The following GLG1 variants were observed in gnomAD, a reference collection of about 807,000 sequenced individuals.
GLG1 encodes the protein Golgi apparatus protein 1.
Under a neutral mutation model 160.5 loss-of-function variants are expected in GLG1, and 38 were observed. The ratio of observed to expected loss-of-function variants is 0.24; its 90% CI spans 0.18 to 0.31. The LOEUF (loss-of-function observed/expected upper bound fraction) is 0.31, where lower values mean the gene tolerates loss of function less well. Ranked by LOEUF, GLG1 falls within the 10% of genes least tolerant of loss-of-function variation. The pLI, the probability that GLG1 is intolerant of heterozygous loss-of-function variation, is 1.00. For missense variants in GLG1, 1,373 were observed against 1,505.2 expected (o/e 0.91, Z 1.45); for synonymous variants, 644 against 543.4 (o/e 1.19, Z -2.57).
chr16:74,458,788 A>C (rs985665586), intron 23 of GLG1, among the ~76,000 whole-genome samples: 3 of 152,234 alleles, frequency 2.0e-5, no homozygotes, highest in African/African-American at 7.2e-5. Flanking sequence ...AGGGCATAAC[A>C]TCTACTACAA....
Position 74,490,933 on chromosome 16 carries a change from A to AG in GLG1, c.1449+67dup, listed in dbSNP as rs879213494. ...TGATCCATATAAAGCAAGGTGGGAC[A>AG]GCATCAGGAAGAGGCTCTTCAGCTG... On this transcript the variant is annotated intron_variant, in intron 8 of 25. Transcript: ENST00000422840. 24 of 1,061,578 alleles carry AG rather than the reference A, an allele frequency of 2.3e-5. No homozygotes were observed. The South Asian group carries it at 3.2e-4, about 14-fold the overall frequency. The allele number at this position is 1,061,578 out of a possible 1,614,324, so 65.8% of individuals were successfully genotyped here.
At position 74,473,314 on chromosome 16, in the gene GLG1, A is replaced by C. The variant is rs1367975636; in HGVS notation, c.2053-903T>G. Among the ~76,000 whole-genome samples, 31 of 149,830 alleles carry C rather than the reference A, an allele frequency of 2.1e-4. 2 individuals carry two copies. In the South Asian group the frequency reaches 4.0e-3, roughly 20 times the overall value. Reference sequence around the variant, plus strand: ...CTGCAACCTCCGCCTCCCGGGTTCAAGTGATCCTCCTGCCTCAGCCTCCCA... The same window carrying C: ...CTGCAACCTCCGCCTCCCGGGTTCACGTGATCCTCCTGCCTCAGCCTCCCA... On this transcript the variant is annotated intron_variant, in intron 13 of 25. Transcript: ENST00000422840.
chr16:74,523,252 C>G (rs1181580938), intron 2 of GLG1, among the ~76,000 whole-genome samples: 1 of 152,168 alleles, frequency 6.6e-6, no homozygotes, highest in Non-Finnish European at 1.5e-5. Context: ...GCAGGGCATT[C>G]AGAATGGATT....
intron 1 of GLG1, among the ~76,000 whole-genome samples, chr16:74,543,939 A>G (rs1030510719): frequency 4.1e-4 from 63 of 152,216 alleles, no homozygotes; most frequent in Non-Finnish European, 6.2e-4. Context: ...CTTGACTCCA[A>G]TTGATTGCAA....
intron 22 of GLG1, among the ~76,000 whole-genome samples, chr16:74,460,261 T>C (rs1022623258): frequency 9.9e-5 from 15 of 152,210 alleles, no homozygotes; most frequent in Admixed American, 8.5e-4. Context: ...TCTCAGGTGA[T>C]TGCCCACCTT....
At chr16:74,575,283 T>C (rs1474283962) in intron 1 of GLG1, among the ~76,000 whole-genome samples, 1 of 151,960 alleles carries the variant, frequency 6.6e-6, no homozygotes, top group Non-Finnish European at 1.5e-5. Flanking sequence ...TAACAGTTAA[T>C]ACAAATGAGT....
chr16:74,564,784 G>C lies in GLG1; in HGVS notation c.439-32631C>G, dbSNP rs1184589439. On this transcript the variant is annotated intron_variant, in intron 1 of 25. Transcript: ENST00000422840. ...ATCAAACCTAAATGAAGTCACTCAT[G>C]CTAAATGCAACATCATCAAATTGAA... is the stretch of plus-strand genomic sequence containing the variant. Among the ~76,000 whole-genome samples the C allele has an allele frequency of 3.3e-5, 5 of 152,208 alleles. No homozygotes were observed. The East Asian group carries it at 7.7e-4, about 23-fold the overall frequency.
chr16:74,594,031 T>G (rs1304831796), intron 1 of GLG1, among the ~76,000 whole-genome samples: 2 of 152,090 alleles, frequency 1.3e-5, no homozygotes, highest in African/African-American at 2.4e-5. Context: ...CTCACCCTCC[T>G]GAGTAGCTGG....
intron 19 of GLG1, 118 bp downstream of exon 19, chr16:74,465,558 T>C: frequency 1.0e-6 from 1 of 989,946 alleles, no homozygotes; most frequent in Non-Finnish European, 1.5e-6. Flanking sequence ...GTGCTGCTGC[T>C]GCTGCTCGTC....
At chr16:74,531,068 A>G (rs2017516555) in intron 2 of GLG1, among the ~76,000 whole-genome samples, 1 of 152,202 alleles carries the variant, frequency 6.6e-6, no homozygotes, top group Non-Finnish European at 1.5e-5. Context: ...AGATGCAGAT[A>G]TATATTTTTA....
At position 74,568,741 on chromosome 16, in the gene GLG1, AAGTGC is replaced by A. The variant is rs550524601; in HGVS notation, c.439-36593_439-36589del. Among the ~76,000 whole-genome samples the A allele has an allele frequency of 1.4e-4, 22 of 152,300 alleles. 1 individual carries two copies. In the East Asian group the frequency reaches 4.2e-3, roughly 29 times the overall value. ...CCTGTACGTATATTTTCTATTTGCAAAGTGCTTAACCAATAGTATCTTAAATCAGG... is the reference window on the plus strand; with the variant it reads ...CCTGTACGTATATTTTCTATTTGCAATTAACCAATAGTATCTTAAATCAGG... On this transcript the variant is annotated intron_variant, in intron 1 of 25. Coordinates refer to ENST00000422840, the MANE Select transcript of GLG1 (RefSeq NM_001145667.2).
chr16:74,595,348 T>C (rs1249184045), intron 1 of GLG1, among the ~76,000 whole-genome samples: 2 of 151,646 alleles, frequency 1.3e-5, no homozygotes, highest in Non-Finnish European at 2.9e-5. Context: ...CCATCCTGGC[T>C]AACACGTTGA....
At chr16:74,455,406 C>G (rs990053561) in intron 25 of GLG1, among the ~76,000 whole-genome samples, 14 of 152,202 alleles carry the variant, frequency 9.2e-5, no homozygotes, top group African/African-American at 3.1e-4. Context: ...CTGAGTCACT[C>G]TGAAGCAATA....
At chr16:74,478,300 A>C (rs1466692223) in intron 11 of GLG1, among the ~76,000 whole-genome samples, 1 of 152,162 alleles carries the variant, frequency 6.6e-6, no homozygotes, top group Non-Finnish European at 1.5e-5. Context: ...AAATCAGAAA[A>C]AGCAGGAAAA....
At chr16:74,592,559 A>G (rs1958209909) in intron 1 of GLG1, among the ~76,000 whole-genome samples, 1 of 152,180 alleles carries the variant, frequency 6.6e-6, no homozygotes, top group South Asian at 2.1e-4. Context: ...AAAAAGCATT[A>G]TCTCGAATGA....
At chr16:74,563,782 T>C (rs537733162) in intron 1 of GLG1, among the ~76,000 whole-genome samples, 5 of 151,564 alleles carry the variant, frequency 3.3e-5, no homozygotes, top group African/African-American at 7.3e-5. Context: ...CCTCATGATA[T>C]GCTCCATAGC....
chr16:74,543,956 T>C (rs147454544), intron 1 of GLG1, among the ~76,000 whole-genome samples: 1 of 152,314 alleles, frequency 6.6e-6, no homozygotes, highest in African/African-American at 2.4e-5. Flanking sequence ...GCAAATCTAA[T>C]ATGATTCCAG....
chr16:74,492,855 A>C (rs2016052004), intron 7 of GLG1, 102 bp downstream of exon 7: 1 of 624,750 alleles, frequency 1.6e-6, no homozygotes, highest in South Asian at 4.4e-5. Context: ...ATACTCAAAG[A>C]AGCAAATATG....
At chr16:74,475,548 T>G (rs1002966369) in intron 12 of GLG1, among the ~76,000 whole-genome samples, 1 of 152,192 alleles carries the variant, frequency 6.6e-6, no homozygotes, top group African/African-American at 2.4e-5. Flanking sequence ...AAAAGCTATC[T>G]TGTGTGGGCT....
Sources: gnomAD v4.1 joint callset for allele counts (sites outside exome capture counted in the v4.1 genomes callset) on GRCh38, gnomAD v4.1.1 for gene constraint, MANE v1.5 for transcripts, NCBI Gene and HGNC (gene_info 2026-07-23, HGNC 2026-07-21) for gene names.